PC: variants seen among roughly 807,000 people sequenced by gnomAD.
PC encodes pyruvate carboxylase, mitochondrial.
PC carries 46 observed loss-of-function variants against 107.8 expected under a neutral mutation model. The observed-to-expected ratio is 0.43, with a 90% confidence interval of 0.34 to 0.55. The LOEUF (loss-of-function observed/expected upper bound fraction) is 0.55, where lower values mean the gene tolerates loss of function less well. Ranked by LOEUF, PC falls within the 20% of genes least tolerant of loss-of-function variation. The probability of loss-of-function intolerance (pLI) is 0.04; values close to 1 mark genes in which losing one functional copy is unlikely to be tolerated. For synonymous variants in PC, 662 were observed against 684.7 expected (o/e 0.97, Z 0.52); for missense variants, 1,241 against 1,643.1 (o/e 0.76, Z 4.23).
intron 12 of PC, among the ~76,000 whole-genome samples, chr11:66,862,534 G>A (rs1420349272): frequency 6.6e-6 from 1 of 152,184 alleles, no homozygotes; most frequent in African/African-American, 2.4e-5. Flanking sequence ...CGGTGCCAGT[G>A]CCCAGCACAG....
intron 3 of PC, among the ~76,000 whole-genome samples, chr11:66,935,899 G>C (rs1156255965): frequency 6.6e-6 from 1 of 151,946 alleles, no homozygotes; most frequent in Non-Finnish European, 1.5e-5. Context: ...GACCAGCCTG[G>C]GCAACACAGT....
At position 66,870,365 on chromosome 11, in the gene PC, G is replaced by T. The variant is rs376393322; in HGVS notation, c.840C>A (p.Ala280=). The T allele has an allele frequency of 2.5e-6, 4 of 1,613,526 alleles. No individual in the cohort carries two copies. In the African/African-American group the frequency reaches 5.3e-5, roughly 22 times the overall value. Residue 280 remains alanine (A), a synonymous_variant, in exon 9 of 23, where the codon GCC becomes GCA. Coordinates refer to ENST00000393960, the MANE Select transcript of PC (RefSeq NM_001040716.2). The surrounding 1 kb of genome is among the most constrained non-coding windows in gnomAD (Gnocchi z 6.1). The stretch of plus-strand genomic sequence containing the variant: ...TCCGAAGCTGCGGGTCCAGGTGGGC[G>T]GCGGGGGCAATCTCGACCACCTTCT... ...RHQKVVEIAP[A]AHLDPQLRTR... is the part of the protein sequence containing the mutation.
intron 2 of PC, among the ~76,000 whole-genome samples, chr11:66,954,021 TATC>T (rs758510168): frequency 9.9e-5 from 15 of 152,204 alleles, no homozygotes; most frequent in Non-Finnish European, 1.6e-4. Context: ...AATCATTACT[TATC>T]ATCATCGTTA....
intron 3 of PC, among the ~76,000 whole-genome samples, chr11:66,947,349 C>T (rs892267359): frequency 3.3e-5 from 5 of 151,332 alleles, no homozygotes; most frequent in East Asian, 1.9e-4. Context: ...TTTGGGAGGC[C>T]GAGGCGGGAG....
At chr11:66,878,650 G>T (rs549021380) in intron 3 of PC, among the ~76,000 whole-genome samples, 7 of 152,150 alleles carry the variant, frequency 4.6e-5, no homozygotes, top group African/African-American at 1.4e-4. Context: ...TGTGGGCAGC[G>T]GGGGGCACAG....
At chr11:66,919,506 G>T (rs1472524728) in intron 3 of PC, among the ~76,000 whole-genome samples, 1 of 152,246 alleles carries the variant, frequency 6.6e-6, no homozygotes, top group Non-Finnish European at 1.5e-5. Flanking sequence ...ATCTCCAGGA[G>T]CTTGACAAGC....
rs1209160291 is a variant in PC, at chr11:66,944,137, C to T, written c.-1+8293G>A. ...TCCAATAAAAATACAAAAAATTAGC[C>T]GGGTGTGATGGTGGGCGCCTGTAGT... is the stretch of plus-strand genomic sequence containing the variant. On this transcript the variant is annotated intron_variant, in intron 3 of 22. Coordinates refer to ENST00000393960, the MANE Select transcript of PC (RefSeq NM_001040716.2). Among the ~76,000 whole-genome samples, 13 of 113,200 alleles carry T rather than the reference C, an allele frequency of 1.1e-4. 5 individuals are homozygous for T. The highest frequency in any genetic ancestry group is 5.8e-5 in the Non-Finnish European group (3 of 51,286). 74.3% of individuals were successfully genotyped at this position (113,200 alleles called of 152,430 possible). A position where few individuals can be genotyped will look rare whatever the true frequency, so the allele number is the denominator to read the frequency against.
At chr11:66,912,021 A>G (rs1948349999) in intron 3 of PC, among the ~76,000 whole-genome samples, 1 of 141,956 alleles carries the variant, frequency 7.0e-6, no homozygotes, top group East Asian at 2.0e-4. Context: ...CAACAGAGCA[A>G]GACAAGAAAA....
intron 3 of PC, among the ~76,000 whole-genome samples, chr11:66,928,284 G>A (rs1232778451): frequency 6.6e-6 from 1 of 151,916 alleles, no homozygotes; most frequent in African/African-American, 2.4e-5. Context: ...CTACCTGGGA[G>A]GCTGAGGCAG....
intron 3 of PC, among the ~76,000 whole-genome samples, chr11:66,915,380 A>C (rs971469627): frequency 6.6e-6 from 1 of 152,192 alleles, no homozygotes; most frequent in African/African-American, 2.4e-5. Context: ...CAATGATCAC[A>C]GCTATAATTG....
Position 66,886,091 on chromosome 11 carries a change from T to A in PC, c.1-13932A>T, listed in dbSNP as rs189220751. The stretch of plus-strand genomic sequence containing the variant: ...GGCAGCAGAGATGAGAAGTGAAGGA[T>A]GATGAGGCGGGCCACGCCTGCGTGG... On this transcript the variant is annotated intron_variant, in intron 3 of 22. Transcript: ENST00000393960. Among the ~76,000 whole-genome samples, 31 of 151,410 alleles carry A rather than the reference T, an allele frequency of 2.0e-4. No individual in the cohort carries two copies. In the East Asian group the frequency reaches 3.3e-3, roughly 16 times the overall value.
chr11:66,873,352 A>C (rs1459845723), intron 3 of PC, among the ~76,000 whole-genome samples: 1 of 116,078 alleles, frequency 8.6e-6, no homozygotes, highest in Non-Finnish European at 1.7e-5. Context: ...AAATATATAT[A>C]TATTATATAT....
rs1437227635 is a variant in PC, at chr11:66,866,533, C to T, written c.1023-184G>A. Among the ~76,000 whole-genome samples the T allele has an allele frequency of 6.6e-6, 1 of 152,204 alleles. No individual in the cohort carries two copies. The highest frequency in any genetic ancestry group is 1.5e-5 in the Non-Finnish European group (1 of 68,026). ...AGTGGCTCCACCAGCCCCTGCCCTG[C>T]TCCCGCCGGGAGCCGACTAAACTAC... On this transcript the variant is annotated intron_variant, in intron 10 of 22. Coordinates refer to ENST00000393960, the MANE Select transcript of PC (RefSeq NM_001040716.2). This position sits in a 1 kb window ranked among gnomAD's most constrained non-coding sequence, Gnocchi z 5.4.
intron 9 of PC, among the ~76,000 whole-genome samples, 174 bp from the exon 10 acceptor site, chr11:66,869,138 T>C (rs1946623058): frequency 6.6e-6 from 1 of 152,198 alleles, no homozygotes; most frequent in African/African-American, 2.4e-5. Context: ...GTCATGCTCC[T>C]GCCTGGACAC....
chr11:66,924,829 G>A, intron 3 of PC, among the ~76,000 whole-genome samples: 1 of 152,178 alleles, frequency 6.6e-6, no homozygotes, highest in Non-Finnish European at 1.5e-5. Flanking sequence ...ATGAAGGAGG[G>A]GAGGTATCGG....
intron 3 of PC, among the ~76,000 whole-genome samples, chr11:66,877,887 C>T (rs1433200526): frequency 6.6e-6 from 1 of 152,164 alleles, no homozygotes; most frequent in Non-Finnish European, 1.5e-5. Flanking sequence ...GCATGCCACC[C>T]TCCTCACTCC....
At chr11:66,863,369 T>C (rs1180820517) in intron 12 of PC, among the ~76,000 whole-genome samples, 1 of 152,140 alleles carries the variant, frequency 6.6e-6, no homozygotes, top group Non-Finnish European at 1.5e-5. Flanking sequence ...GGAGAACTTG[T>C]TCAAAACACA....
intron 12 of PC, chr11:66,859,682 C>T (rs1197508514): frequency 5.0e-6 from 8 of 1,612,990 alleles, no homozygotes; most frequent in Non-Finnish European, 5.9e-6. Flanking sequence ...AGCACCTCGT[C>T]CCCGGCGCTG....
At chr11:66,912,848 C>T (rs1948368631) in intron 3 of PC, among the ~76,000 whole-genome samples, 1 of 152,148 alleles carries the variant, frequency 6.6e-6, no homozygotes, top group African/African-American at 2.4e-5. Flanking sequence ...GGAGGGGTCT[C>T]CCAACAATTC....
Sources: allele counts gnomAD v4.1 joint callset (sites outside exome capture counted in the v4.1 genomes callset), GRCh38; gene constraint gnomAD v4.1.1; non-coding constraint Gnocchi (gnomAD v3.1); transcripts MANE v1.5; gene names NCBI Gene and HGNC (gene_info 2026-07-23, HGNC 2026-07-21).